The following ADGRL3 variants were observed in gnomAD, a reference collection of about 807,000 sequenced individuals.
ADGRL3 encodes the protein calcium-independent alpha-latrotoxin receptor 3.
ADGRL3 carries 62 observed loss-of-function variants against 153.5 expected under a neutral mutation model. The observed-to-expected ratio is 0.40, with a 90% CI of 0.33 to 0.50. ADGRL3 has a LOEUF of 0.50. Among genes scored for constraint, ADGRL3 ranks in the 20% least tolerant of loss-of-function variants. The pLI, the probability that ADGRL3 is intolerant of heterozygous loss-of-function variation, is 0.47. For missense variants in ADGRL3, 1,641 were observed against 1,859.4 expected, an observed-to-expected ratio of 0.88 and a Z score of 2.16; for synonymous variants, 710 against 672.5, an observed-to-expected ratio of 1.06 and a Z score of -0.86.
chr4:61,827,487 A>G (rs2097821366), intron 9 of ADGRL3, among the ~76,000 whole-genome samples: 1 of 152,230 alleles, frequency 6.6e-6, no homozygotes, highest in South Asian at 2.1e-4. Context: ...TCCTACAGAT[A>G]GTGGGAAACC....
intron 1 of ADGRL3, among the ~76,000 whole-genome samples, chr4:61,231,641 T>C (rs1016716990): frequency 1.3e-5 from 2 of 152,150 alleles, no homozygotes; most frequent in African/African-American, 4.8e-5. Context: ...CCTTAGCAAC[T>C]GCACTTCCCT....
intron 4 of ADGRL3, among the ~76,000 whole-genome samples, chr4:61,556,849 T>C (rs2098769547): frequency 2.0e-5 from 3 of 152,270 alleles, no homozygotes; most frequent in South Asian, 2.1e-4. Flanking sequence ...ACCTCCAGTT[T>C]TTACAGTGTG....
At chr4:61,579,513 C>A in intron 4 of ADGRL3, 1 of 469,110 alleles carries the variant, frequency 2.1e-6, no homozygotes. Flanking sequence ...TTTATTCACA[C>A]ACTTGCTGCT....
At chr4:61,413,195 C>G (rs139476359) in intron 2 of ADGRL3, among the ~76,000 whole-genome samples, 2 of 152,120 alleles carry the variant, frequency 1.3e-5, no homozygotes, top group Non-Finnish European at 2.9e-5. Flanking sequence ...GGAGGTTAGG[C>G]TCCTCACTAG....
chr4:61,681,673 C>T (rs2095339056), intron 6 of ADGRL3, among the ~76,000 whole-genome samples: 1 of 151,868 alleles, frequency 6.6e-6, no homozygotes, highest in East Asian at 1.9e-4. Context: ...ATCATTTTTA[C>T]TAAAAGAAAA....
intron 5 of ADGRL3, among the ~76,000 whole-genome samples, chr4:61,601,165 A>G (rs2099010061): frequency 6.6e-6 from 1 of 152,158 alleles, no homozygotes; most frequent in South Asian, 2.1e-4. Flanking sequence ...AATTTGAGTC[A>G]TTGTGATTAA....
At chr4:61,986,245 A>G (rs566235936) in intron 19 of ADGRL3, among the ~76,000 whole-genome samples, 6 of 152,234 alleles carry the variant, frequency 3.9e-5, no homozygotes, top group African/African-American at 1.4e-4. Flanking sequence ...ACCTTATGCT[A>G]TTTCAAATAT....
chr4:61,895,854 A>G lies in ADGRL3; in HGVS notation c.1887+20A>G. 5 of 1,411,488 alleles carry G rather than the reference A, an allele frequency of 3.5e-6. No homozygotes were observed. Among genetic ancestry groups the G allele is most frequent in the Non-Finnish European group, 3.9e-6 (4 of 1,019,710 alleles). 87.4% of individuals were successfully genotyped at this position (1,411,488 alleles called of 1,614,324 possible). ...CAGAAGGTAAATCTTGTGACTGACAAGAAAGTCTTTGCTAAAACTATATCA... is the reference window on the plus strand; with the variant it reads ...CAGAAGGTAAATCTTGTGACTGACAGGAAAGTCTTTGCTAAAACTATATCA... On this transcript the variant is annotated intron_variant, in intron 11 of 26. Coordinates refer to ENST00000683033, the MANE Select transcript of ADGRL3 (RefSeq NM_001387552.1).
At position 61,869,547 on chromosome 4, in the gene ADGRL3, G is replaced by A. The variant is rs182034959; in HGVS notation, c.1481-23109G>A. Among the ~76,000 whole-genome samples, 1,032 of 151,992 alleles carry A rather than the reference G, an allele frequency of 6.8e-3. 14 individuals carry two copies. The highest frequency in any genetic ancestry group is 0.024 in the African/African-American group (987 of 41,478). The stretch of plus-strand genomic sequence containing the variant: ...CGGGAAGCGGAGCTTGCAGTGAGCC[G>A]AGATTGCGCCACTGCAGTCCGCAGT... On this transcript the variant is annotated intron_variant, in intron 9 of 26. Coordinates refer to ENST00000683033, the MANE Select transcript of ADGRL3 (RefSeq NM_001387552.1).
intron 19 of ADGRL3, among the ~76,000 whole-genome samples, chr4:61,986,937 A>G (rs1157954840): frequency 6.6e-6 from 1 of 152,168 alleles, no homozygotes; most frequent in Non-Finnish European, 1.5e-5. Context: ...TGTTTACTTG[A>G]GAAGTTGAAG....
At position 61,566,219 on chromosome 4, in the gene ADGRL3, A is replaced by G. The variant is rs142343273; in HGVS notation, c.260-21008A>G. On this transcript the variant is annotated intron_variant, in intron 4 of 26. Transcript: ENST00000683033. ...GTTTCTGCTCAGGGCTATGAAGACA[A>G]GATTTGTTTCAGGCGTCTCCCCTTC... is the stretch of plus-strand genomic sequence containing the variant. Among the ~76,000 whole-genome samples, 120 of 152,266 alleles carry G rather than the reference A, an allele frequency of 7.9e-4. 4 individuals are homozygous for G. Among genetic ancestry groups the G allele is most frequent in the Admixed American group, 5.9e-3 (90 of 15,286 alleles).
chr4:61,778,126 A>G (rs2097174107), intron 8 of ADGRL3, among the ~76,000 whole-genome samples: 1 of 152,232 alleles, frequency 6.6e-6, no homozygotes, highest in Non-Finnish European at 1.5e-5. Flanking sequence ...CATGCACAAA[A>G]TTGTTAAGTA....
chr4:61,321,860 G>T (rs2150768585), intron 1 of ADGRL3, among the ~76,000 whole-genome samples: 1 of 152,154 alleles, frequency 6.6e-6, no homozygotes, highest in African/African-American at 2.4e-5. Flanking sequence ...TTGTTTCAGA[G>T]AAATAAAAAT....
At chr4:61,707,010 C>T (rs921206731) in intron 6 of ADGRL3, among the ~76,000 whole-genome samples, 7 of 152,026 alleles carry the variant, frequency 4.6e-5, no homozygotes, top group African/African-American at 1.2e-4. Context: ...TAGTTAGAGG[C>T]CATTGCAGGA....
chr4:61,361,989 T>C (rs1486558685), intron 1 of ADGRL3, among the ~76,000 whole-genome samples: 1 of 148,858 alleles, frequency 6.7e-6, no homozygotes, highest in Non-Finnish European at 1.5e-5. Context: ...TATAAAAATA[T>C]ATATATAAAT....
rs1404100503 is a variant in ADGRL3 at position 61,319,644 on chromosome 4, G to A, written c.-239-63480G>A. On this transcript the variant is annotated intron_variant, in intron 1 of 26. Coordinates refer to ENST00000683033, the MANE Select transcript of ADGRL3 (RefSeq NM_001387552.1). ...AAACTGAGAATTAATGTATCTCATT[G>A]AGCTCAAATTTGATTGTACGTCAAA... Among the ~76,000 whole-genome samples the A allele has an allele frequency of 2.6e-5, 4 of 152,226 alleles. No individual in the cohort carries two copies. In the East Asian group the frequency reaches 7.7e-4, roughly 29 times the overall value.
chr4:61,456,390 GATATATCTATATCT>G (rs2097742894), intron 2 of ADGRL3, among the ~76,000 whole-genome samples: 1 of 99,174 alleles, frequency 1.0e-5, no homozygotes, highest in African/African-American at 3.9e-5. Flanking sequence ...TATATATATA[GATATATCTATATCT>G]ATATATATAT....
chr4:61,452,298 G>A lies in ADGRL3; in HGVS notation c.-173-44823G>A, dbSNP rs751463985. Among the ~76,000 whole-genome samples the A allele has an allele frequency of 6.5e-4, 99 of 152,232 alleles. No homozygotes were observed. The Middle Eastern group carries it at 0.01, about 16-fold the overall frequency. On this transcript the variant is annotated intron_variant, in intron 2 of 26. Transcript: ENST00000683033. ...ACAGGCTGAGGCCTCTGTTATACTC[G>A]TAACAGTTCATCCTTGCCTTCTGCC...
intron 21 of ADGRL3, among the ~76,000 whole-genome samples, chr4:62,026,847 G>A (rs919205005): frequency 6.6e-6 from 1 of 151,960 alleles, no homozygotes; most frequent in Non-Finnish European, 1.5e-5. Context: ...TATGTGAGAT[G>A]ATGGATACAT....
Sources: allele counts gnomAD v4.1 joint callset (sites outside exome capture counted in the v4.1 genomes callset), GRCh38; gene constraint gnomAD v4.1.1; transcripts MANE v1.5; gene names NCBI Gene and HGNC (gene_info 2026-07-23, HGNC 2026-07-21).